The following IL20RA variants were observed in gnomAD, a reference collection of about 807,000 sequenced individuals.
IL20RA encodes the protein interleukin 20 receptor subunit alpha, also known as interleukin-20 receptor subunit alpha.
IL20RA carries 29 observed loss-of-function variants against 36.5 expected under a neutral mutation model. The observed-to-expected ratio is 0.79, with a 90% CI of 0.59 to 1.08. The LOEUF (loss-of-function observed/expected upper bound fraction) is 1.08. Among genes scored for constraint, IL20RA ranks in the 50% least tolerant of loss-of-function variants. IL20RA has a pLI of 0.00. For synonymous variants in IL20RA, 279 were observed against 267.1 expected (o/e 1.04, Z -0.43); for missense variants, 652 against 668.4 (o/e 0.98, Z 0.27).
rs778573515 is a variant in IL20RA, at chr6:137,000,863, C to G, written c.*695G>C. 3.3e-5 allele frequency: 5 copies of G among 152,128 alleles called. No homozygotes were observed. The highest frequency in any genetic ancestry group is 4.8e-5 in the African/African-American group (2 of 41,422). 9.4% of individuals were successfully genotyped at this position (152,128 alleles called of 1,614,324 possible). On this transcript the variant is annotated 3_prime_UTR_variant, in exon 7 of 7. Transcript: ENST00000316649. Reference sequence around the variant, plus strand: ...GTTAGTTTTGAGAGACAATAAGCCCCTACTAAATTATTGAGAGGACACTTT... The same window carrying G: ...GTTAGTTTTGAGAGACAATAAGCCCGTACTAAATTATTGAGAGGACACTTT...
At position 137,017,011 on chromosome 6, in the gene IL20RA, C is replaced by G. The variant is rs768298639; in HGVS notation, c.181G>C (p.Gly61Arg). 18 of 1,613,320 alleles carry G rather than the reference C, an allele frequency of 1.1e-5. 1 individual carries two copies. The Middle Eastern group carries it at 8.3e-4, about 74-fold the overall frequency. Residue 61 changes from glycine to arginine, a missense_variant, in exon 2 of 7, where the codon GGT becomes CGT. Gly to Arg is a moderately radical substitution (Grantham distance 125). Transcript: ENST00000316649. ...KNVLQWTPPE[G>R]LQGVKVTYTV... ...TAAGTAACTTTAACTCCTTGAAGAC[C>G]CTCTGGTGGAGTCCATTGTAGGACA...
At chr6:137,014,707 C>A (rs533778415) in intron 2 of IL20RA, among the ~76,000 whole-genome samples, 7 of 152,100 alleles carry the variant, frequency 4.6e-5, no homozygotes, top group African/African-American at 1.7e-4. Context: ...AGTTCCCCCC[C>A]CCTTTTCCAC....
chr6:137,008,886 T>TTTC (rs1554212421), intron 4 of IL20RA, 143 bp from the exon 5 acceptor site: 3 of 531,618 alleles, frequency 5.6e-6, no homozygotes, highest in Admixed American at 4.2e-5. Flanking sequence ...TTTTTTTTTT[T>TTTC]CAGCAACAGT....
intron 1 of IL20RA, among the ~76,000 whole-genome samples, chr6:137,032,032 G>A (rs1369005043): frequency 6.4e-5 from 8 of 125,124 alleles, no homozygotes; most frequent in Non-Finnish European, 1.3e-4. Flanking sequence ...CAGCCTGGGC[G>A]ACAGAGCAAG....
intron 2 of IL20RA, among the ~76,000 whole-genome samples, chr6:137,012,169 G>C (rs1055163292): frequency 1.3e-5 from 2 of 152,220 alleles, no homozygotes; most frequent in South Asian, 4.2e-4. Context: ...AAGGTGATGG[G>C]TTACAAGTGG....
chr6:137,018,535 T>TGTGA (rs1411829332), intron 1 of IL20RA, among the ~76,000 whole-genome samples: 3 of 151,660 alleles, frequency 2.0e-5, no homozygotes, highest in Admixed American at 2.0e-4. Context: ...TGTGTGTGTG[T>TGTGA]GTGTGTGTGT....
chr6:137,040,467 T>C (rs775761238), intron 1 of IL20RA, among the ~76,000 whole-genome samples: 1 of 151,976 alleles, frequency 6.6e-6, no homozygotes, highest in Non-Finnish European at 1.5e-5. Flanking sequence ...GAGGAAGTCA[T>C]TAATTCCAGG....
At chr6:137,044,252 G>A (rs1041226975) in intron 1 of IL20RA, 2 of 991,316 alleles carry the variant, frequency 2.0e-6, no homozygotes, top group African/African-American at 3.5e-5. Flanking sequence ...CGGCCGCGGC[G>A]GTGGTGGCGG....
chr6:137,028,414 TAAAAAAAAAAA>T (rs36068116), intron 1 of IL20RA, among the ~76,000 whole-genome samples: 38 of 117,284 alleles, frequency 3.2e-4, no homozygotes, highest in African/African-American at 1.2e-3. Flanking sequence ...AGACTCCATC[TAAAAAAAAAAA>T]AAAAAAAAAG....
In IL20RA at chr6:137,044,629, C is replaced by T; in HGVS notation, c.88+12G>A. On this transcript the variant is annotated intron_variant, in intron 1 of 6. Transcript: ENST00000316649. ...CATCCCCGACCCGCACCTGGCGGCG[C>T]GACCCACCTACCTGCCCGTCCCCAA... is the stretch of plus-strand genomic sequence containing the variant. 8.2e-7 allele frequency: 1 copy of T among 1,221,582 alleles called. No homozygotes were observed. Among genetic ancestry groups the T allele is most frequent in the Non-Finnish European group, 1.0e-6 (1 of 980,962 alleles). 75.7% of individuals were successfully genotyped at this position (1,221,582 alleles called of 1,614,324 possible).
At chr6:137,043,640 C>T (rs1046084084) in intron 1 of IL20RA, among the ~76,000 whole-genome samples, 1 of 152,262 alleles carries the variant, frequency 6.6e-6, no homozygotes, top group Non-Finnish European at 1.5e-5. Flanking sequence ...TTGAATTTAA[C>T]TTTTTCTTTA....
intron 2 of IL20RA, 81 bp downstream of exon 2, chr6:137,016,887 C>A: frequency 8.0e-7 from 1 of 1,250,150 alleles, no homozygotes; most frequent in South Asian, 1.3e-5. Flanking sequence ...TTTAATACCA[C>A]GGAGAGTTTA....
In IL20RA at chr6:137,001,555, G is replaced by A. The variant is rs1341419463; in HGVS notation, c.*3C>T. The A allele has an allele frequency of 3.3e-6, 5 of 1,528,776 alleles. No homozygotes were observed. Among genetic ancestry groups the A allele is most frequent in the Non-Finnish European group, 3.5e-6 (4 of 1,136,144 alleles). The allele number at this position is 1,528,776 out of a possible 1,614,324, so 94.7% of individuals were successfully genotyped here. A position where few individuals can be genotyped will look rare whatever the true frequency, so the allele number is the denominator to read the frequency against. The stretch of plus-strand genomic sequence containing the variant: ...AAACAAAAGGCAAAAGGAAGTGTTG[G>A]CATCAGTTTTCCATCTGCACATATA... On this transcript the variant is annotated 3_prime_UTR_variant, in exon 7 of 7. Coordinates refer to ENST00000316649, the MANE Select transcript of IL20RA (RefSeq NM_014432.4).
In IL20RA at chr6:137,011,450, T is replaced by C; in HGVS notation, c.227A>G (p.Tyr76Cys). 2 of 1,607,922 alleles carry C rather than the reference T, an allele frequency of 1.2e-6. No individual in the cohort carries two copies. Among genetic ancestry groups the C allele is most frequent in the South Asian group, 1.1e-5 (1 of 90,528 alleles). Residue 76 changes from tyrosine to cysteine, a missense_variant and splice_region_variant, in exon 3 of 7, where the codon TAT (tyrosine) becomes TGT (cysteine). Tyr to Cys is a radical substitution (Grantham distance 194). Transcript: ENST00000316649. ...KVTYTVQYFIYGQKKWLNKSE... is the reference protein window; with the variant it reads ...KVTYTVQYFICGQKKWLNKSE... ...TTTATTCAGCCATTTCTTTTGCCCA[T>C]ATCTGCTAAGAAAGAAGCTGAATTA...
intron 3 of IL20RA, 66 bp from the exon 4 acceptor site, chr6:137,009,558 T>C: frequency 1.1e-6 from 1 of 926,382 alleles, no homozygotes. Context: ...AAAGCTACCA[T>C]ATAATCCTAC....
At chr6:137,018,614 A>G (rs1352172887) in intron 1 of IL20RA, among the ~76,000 whole-genome samples, 1 of 150,620 alleles carries the variant, frequency 6.6e-6, no homozygotes, top group Non-Finnish European at 1.5e-5. Flanking sequence ...TCTTCTTGTA[A>G]TTCTTTGGAA....
intron 2 of IL20RA, among the ~76,000 whole-genome samples, chr6:137,016,128 G>C (rs746675658): frequency 2.0e-5 from 3 of 152,096 alleles, no homozygotes; most frequent in Non-Finnish European, 2.9e-5. Flanking sequence ...CTTTCCTCCT[G>C]ACCCCGGCTC....
intron 1 of IL20RA, among the ~76,000 whole-genome samples, chr6:137,040,400 A>G (rs1333221256): frequency 6.6e-6 from 1 of 151,886 alleles, no homozygotes; most frequent in Non-Finnish European, 1.5e-5. Flanking sequence ...AGCATGCCTC[A>G]CACCCAGATT....
intron 1 of IL20RA, among the ~76,000 whole-genome samples, chr6:137,043,734 C>T (rs539601761): frequency 6.6e-6 from 1 of 152,216 alleles, no homozygotes; most frequent in South Asian, 2.1e-4. Flanking sequence ...GACAGCGGGG[C>T]CTGAACGAAG....
Sources: allele counts gnomAD v4.1 joint callset (sites outside exome capture counted in the v4.1 genomes callset), GRCh38; gene constraint gnomAD v4.1.1; transcripts MANE v1.5; gene names NCBI Gene and HGNC (gene_info 2026-07-23, HGNC 2026-07-21).